The following PCDHA5 variants were observed in gnomAD, a reference collection of about 807,000 sequenced individuals.
The protein encoded by PCDHA5 is protocadherin alpha-5.
PCDHA5 carries 43 observed loss-of-function variants against 61.6 expected under a neutral mutation model. The observed-to-expected ratio is 0.70, with a 90% CI of 0.55 to 0.90. The LOEUF (loss-of-function observed/expected upper bound fraction) is 0.90. Ranked by LOEUF, PCDHA5 falls within the 40% of genes least tolerant of loss-of-function variation. PCDHA5 has a pLI of 0.00. For missense variants in PCDHA5, 1,298 were observed against 1,222.7 expected, an observed-to-expected ratio of 1.06 and a Z score of -0.92; for synonymous variants, 627 against 543.9, an observed-to-expected ratio of 1.15 and a Z score of -2.13.
intron 1 of PCDHA5, among the ~76,000 whole-genome samples, chr5:140,921,890 G>A (rs1167996919): frequency 1.3e-5 from 2 of 151,710 alleles, no homozygotes; most frequent in African/African-American, 2.4e-5. Flanking sequence ...ATTTTAGAAA[G>A]GAGGATAAAT....
At chr5:140,870,977 T>C in intron 1 of PCDHA5, 2 of 1,613,584 alleles carry the variant, frequency 1.2e-6, no homozygotes. Context: ...CGCGTGGGGC[T>C]GTACACGGGC....
chr5:141,001,022 T>C (rs2097984457), intron 3 of PCDHA5, among the ~76,000 whole-genome samples: 1 of 152,250 alleles, frequency 6.6e-6, no homozygotes, highest in Non-Finnish European at 1.5e-5. Context: ...TATACACTTA[T>C]AATAATAGCT....
intron 1 of PCDHA5, chr5:140,875,529 G>A: frequency 1.2e-6 from 2 of 1,614,112 alleles, no homozygotes; most frequent in South Asian, 1.1e-5. Context: ...TCTCGCTTCT[G>A]CTCCTTGCAG....
chr5:140,967,084 T>G (rs782593106), intron 1 of PCDHA5: 1 of 1,613,270 alleles, frequency 6.2e-7, no homozygotes, highest in Admixed American at 1.7e-5. Context: ...AGCGCATTGA[T>G]CGGGAGGCGC....
chr5:140,829,699 C>A lies in PCDHA5; in HGVS notation c.2352+5572C>A, dbSNP rs2150172721. On this transcript the variant is annotated intron_variant, in intron 1 of 3. Coordinates refer to ENST00000529859, the MANE Select transcript of PCDHA5 (RefSeq NM_018908.3). ...TAGAGCTGCTGCAGTTTCAGGTGAG[C>A]GCGCGCGACGCGGGCGTGCCGCCTC... The A allele has an allele frequency of 2.2e-3, 3,484 of 1,613,252 alleles. 64 individuals carry two copies. The African/African-American group carries it at 0.041, about 19-fold the overall frequency.
chr5:140,898,913 G>T (rs1554188302), intron 1 of PCDHA5, among the ~76,000 whole-genome samples: 1 of 152,066 alleles, frequency 6.6e-6, no homozygotes, highest in Non-Finnish European at 1.5e-5. Context: ...CACGTCCCTT[G>T]TAAGTTGGAT....
intron 1 of PCDHA5, among the ~76,000 whole-genome samples, chr5:140,911,947 G>C (rs559007219): frequency 6.6e-6 from 1 of 152,144 alleles, no homozygotes; most frequent in African/African-American, 2.4e-5. Context: ...TATATATAAA[G>C]GGGAGGTTAC....
chr5:141,010,525 C>A lies in PCDHA5; in HGVS notation c.*588C>A. On this transcript the variant is annotated 3_prime_UTR_variant, in exon 4 of 4. Coordinates refer to ENST00000529859, the MANE Select transcript of PCDHA5 (RefSeq NM_018908.3). ...CTAAATCTTACAACTCAAGAGGTGG[C>A]AGCCACCCTCTAGGAGACAAAACTA... 1 of 436,454 alleles carries A rather than the reference C, an allele frequency of 2.3e-6. No homozygotes were observed. The highest frequency in any genetic ancestry group is 3.9e-6 in the Non-Finnish European group (1 of 256,874). 27.0% of individuals were successfully genotyped at this position (436,454 alleles called of 1,614,324 possible).
intron 1 of PCDHA5, chr5:140,841,941 C>T (rs2150325943): frequency 1.3e-5 from 21 of 1,613,918 alleles, no homozygotes; most frequent in Non-Finnish European, 1.8e-5. Context: ...GACGCTCCTG[C>T]GCACCACTTA....
At chr5:140,883,504 C>G in intron 1 of PCDHA5, 1 of 1,614,172 alleles carries the variant, frequency 6.2e-7, no homozygotes, top group East Asian at 2.2e-5. Context: ...TGGACAGCGC[C>G]CTGGACCGCG....
intron 1 of PCDHA5, chr5:140,930,201 A>G (rs1185112868): frequency 6.6e-6 from 1 of 152,178 alleles, no homozygotes; most frequent in Non-Finnish European, 1.5e-5. Flanking sequence ...TTATGTCAGA[A>G]ATATTTATGT....
At chr5:141,003,324 C>T (rs909788744) in intron 3 of PCDHA5, among the ~76,000 whole-genome samples, 4 of 152,132 alleles carry the variant, frequency 2.6e-5, no homozygotes, top group African/African-American at 9.7e-5. Flanking sequence ...TTCCAGAGGG[C>T]AGGGTTTTTT....
chr5:140,919,505 CTA>C (rs2079156587), intron 1 of PCDHA5, among the ~76,000 whole-genome samples: 3 of 152,008 alleles, frequency 2.0e-5, no homozygotes, highest in Admixed American at 6.6e-5. Context: ...ACTCCTTTTT[CTA>C]TATGTTTTAA....
At chr5:140,910,854 T>G (rs2075197535) in intron 1 of PCDHA5, among the ~76,000 whole-genome samples, 1 of 152,212 alleles carries the variant, frequency 6.6e-6, no homozygotes, top group East Asian at 1.9e-4. Flanking sequence ...GGATCTATGT[T>G]CCATCCACCA....
At chr5:140,892,324 C>T (rs1158961031) in intron 1 of PCDHA5, among the ~76,000 whole-genome samples, 3 of 152,308 alleles carry the variant, frequency 2.0e-5, no homozygotes, top group Non-Finnish European at 4.4e-5. Context: ...CATTTTCTTT[C>T]TCCAGAATGG....
chr5:141,001,126 C>A (rs2097993222), intron 3 of PCDHA5, among the ~76,000 whole-genome samples: 1 of 151,970 alleles, frequency 6.6e-6, no homozygotes, highest in African/African-American at 2.4e-5. Context: ...AGTCCTTAAA[C>A]AAATGAATCT....
intron 1 of PCDHA5, among the ~76,000 whole-genome samples, chr5:140,831,505 C>T (rs1412107675): frequency 7.1e-6 from 1 of 140,118 alleles, no homozygotes; most frequent in Non-Finnish European, 1.5e-5. Context: ...ACACGAGCAC[C>T]ACCATGCCCC....
chr5:140,918,473 T>G (rs1385942505), intron 1 of PCDHA5, among the ~76,000 whole-genome samples: 1 of 152,284 alleles, frequency 6.6e-6, no homozygotes, highest in East Asian at 1.9e-4. Context: ...ATTCCAAGTC[T>G]CAAGGGGAAT....
chr5:140,881,283 A>T, intron 1 of PCDHA5: 1 of 799,388 alleles, frequency 1.3e-6, no homozygotes, highest in Non-Finnish European at 1.5e-6. Flanking sequence ...TAAGATGGAG[A>T]GAGAAAATGG....
Sources: allele counts gnomAD v4.1 joint callset (sites outside exome capture counted in the v4.1 genomes callset), GRCh38; gene constraint gnomAD v4.1.1; transcripts MANE v1.5; gene names NCBI Gene and HGNC (gene_info 2026-07-23, HGNC 2026-07-21).